The following PLXNA4 variants were observed in gnomAD, a reference collection of about 807,000 sequenced individuals.
PLXNA4 encodes plexin-A4.
Under a neutral mutation model 191.8 loss-of-function variants are expected in PLXNA4, and 44 were observed. The ratio of observed to expected loss-of-function variants is 0.23; its 90% CI spans 0.18 to 0.29. PLXNA4 has a LOEUF of 0.29. Ranked by LOEUF, PLXNA4 falls within the 10% of genes least tolerant of loss-of-function variation. PLXNA4 has a pLI of 1.00. For synonymous variants in PLXNA4, 1,082 were observed against 1,009.5 expected, an observed-to-expected ratio of 1.07 and a Z score of -1.36; for missense variants, 1,800 against 2,488.8, an observed-to-expected ratio of 0.72 and a Z score of 5.89.
chr7:132,239,982 G>A (rs767172984), intron 5 of PLXNA4, among the ~76,000 whole-genome samples: 13 of 152,284 alleles, frequency 8.5e-5, no homozygotes, highest in South Asian at 6.2e-4. Context: ...AGATGTATTC[G>A]AGTTTAAGAG....
At chr7:132,362,155 T>C (rs6954714) in intron 3 of PLXNA4, among the ~76,000 whole-genome samples, 2 of 151,558 alleles carry the variant, frequency 1.3e-5, no homozygotes, top group Non-Finnish European at 2.9e-5. Context: ...TAGAGGACTT[T>C]ATACATCATC....
intron 2 of PLXNA4, among the ~76,000 whole-genome samples, chr7:132,504,571 G>A (rs1362191273): frequency 1.3e-5 from 2 of 152,176 alleles, no homozygotes; most frequent in African/African-American, 4.8e-5. Flanking sequence ...CCTTCTTCAA[G>A]CTTTTAGAGT....
intron 2 of PLXNA4, among the ~76,000 whole-genome samples, chr7:132,587,250 G>C (rs1173926000): frequency 6.6e-6 from 1 of 152,190 alleles, no homozygotes; most frequent in African/African-American, 2.4e-5. Context: ...GAACATAACA[G>C]CTTCAAATAT....
intron 2 of PLXNA4, among the ~76,000 whole-genome samples, chr7:132,593,938 A>C (rs770857245): frequency 6.6e-6 from 1 of 152,208 alleles, no homozygotes; most frequent in Non-Finnish European, 1.5e-5. Context: ...ATCAGGTGGG[A>C]AGCAGTTTGC....
intron 2 of PLXNA4, among the ~76,000 whole-genome samples, chr7:132,491,719 A>G (rs1298758782): frequency 1.3e-5 from 2 of 152,176 alleles, no homozygotes; most frequent in African/African-American, 2.4e-5. Context: ...ATCTGAGGTC[A>G]GGAGTTCGAG....
At chr7:132,313,565 A>T (rs1277230308) in intron 3 of PLXNA4, among the ~76,000 whole-genome samples, 1 of 152,180 alleles carries the variant, frequency 6.6e-6, no homozygotes, top group Non-Finnish European at 1.5e-5. Context: ...CCCAAGGAGC[A>T]AGTTGAAGGG....
intron 14 of PLXNA4, among the ~76,000 whole-genome samples, chr7:132,189,647 C>G (rs73499376): frequency 0.01 from 1,540 of 152,244 alleles, 19 homozygotes; most frequent in African/African-American, 0.035. Flanking sequence ...TCCAGGGGAG[C>G]TAGGGGCTTC....
intron 3 of PLXNA4, among the ~76,000 whole-genome samples, chr7:132,443,940 G>T (rs931787170): frequency 1.3e-5 from 2 of 152,248 alleles, no homozygotes; most frequent in Non-Finnish European, 2.9e-5. Context: ...CTGCCATTCA[G>T]TGCTAAAACA....
At chr7:132,524,777 C>T (rs1359987795) in intron 1 of PLXNA4, among the ~76,000 whole-genome samples, 1 of 152,094 alleles carries the variant, frequency 6.6e-6, no homozygotes, top group Admixed American at 6.5e-5. Flanking sequence ...CTGTGTTAGC[C>T]AGGATGGTAT....
chr7:132,385,210 AAC>A, intron 3 of PLXNA4: 2 of 1,614,082 alleles, frequency 1.2e-6, no homozygotes, highest in Non-Finnish European at 1.7e-6. Context: ...ACAGCTGGAG[AAC>A]AGGAGTTCCA....
At chr7:132,507,153 C>T (rs1439782423) in intron 2 of PLXNA4, among the ~76,000 whole-genome samples, 1 of 152,130 alleles carries the variant, frequency 6.6e-6, no homozygotes, top group Admixed American at 6.5e-5. Context: ...TCTTGCACTA[C>T]AGCACACTGT....
intron 9 of PLXNA4, among the ~76,000 whole-genome samples, chr7:132,221,802 C>T (rs1798155143): frequency 6.6e-6 from 1 of 152,176 alleles, no homozygotes; most frequent in Admixed American, 6.5e-5. Flanking sequence ...CAGGCATGAA[C>T]AGATTCCCAC....
chr7:132,524,260 A>AT (rs1799311204), intron 1 of PLXNA4, among the ~76,000 whole-genome samples: 1 of 152,186 alleles, frequency 6.6e-6, no homozygotes, highest in Non-Finnish European at 1.5e-5. Context: ...GGAACCTAGA[A>AT]TTTGATGCTT....
chr7:132,577,134 G>A (rs982075818), upstream of PLXNA4: 2 of 146,510 alleles, frequency 1.4e-5, no homozygotes, highest in African/African-American at 2.5e-5. Context: ...GCGGCGGCTG[G>A]CGCTGCGGCG....
intron 2 of PLXNA4, among the ~76,000 whole-genome samples, chr7:132,621,811 T>A (rs1282652371): frequency 1.3e-5 from 2 of 152,228 alleles, no homozygotes; most frequent in Admixed American, 6.5e-5. Context: ...TTTAAAACCA[T>A]TTCAAATCGA....
intron 1 of PLXNA4, among the ~76,000 whole-genome samples, chr7:132,545,054 A>C (rs753063848): frequency 2.2e-4 from 33 of 152,136 alleles, no homozygotes; most frequent in Non-Finnish European, 4.0e-4. Flanking sequence ...ATCTGCAAAA[A>C]GCAAATGTAG....
intron 1 of PLXNA4, among the ~76,000 whole-genome samples, chr7:132,537,895 G>A (rs867683895): frequency 1.3e-5 from 2 of 152,160 alleles, no homozygotes; most frequent in South Asian, 4.1e-4. Flanking sequence ...ACCACAACCC[G>A]CACGCTCAGC....
intron 2 of PLXNA4, among the ~76,000 whole-genome samples, chr7:132,593,187 CA>C (rs1167032447): frequency 3.9e-5 from 6 of 152,228 alleles, no homozygotes; most frequent in Non-Finnish European, 7.3e-5. Flanking sequence ...GCTGTTTACC[CA>C]CACAATTGAC....
At chr7:132,418,260 T>G (rs1300780126) in intron 3 of PLXNA4, among the ~76,000 whole-genome samples, 4 of 152,194 alleles carry the variant, frequency 2.6e-5, no homozygotes, top group African/African-American at 9.6e-5. Context: ...CCATCAAAGT[T>G]CATTCATCCC....
Sources: allele counts gnomAD v4.1 joint callset (sites outside exome capture counted in the v4.1 genomes callset), GRCh38; gene constraint gnomAD v4.1.1; transcripts MANE v1.5; gene names NCBI Gene and HGNC (gene_info 2026-07-23, HGNC 2026-07-21).